WDR89: variants seen among roughly 807,000 people sequenced by gnomAD.
WDR89 encodes the protein WD repeat domain 89.
WDR89 carries 17 observed loss-of-function variants against 29.1 expected under a neutral mutation model. That is an observed-to-expected ratio of 0.58 (90% confidence interval 0.40 to 0.88). The LOEUF (loss-of-function observed/expected upper bound fraction) is 0.88. WDR89 is among the 40% of genes least tolerant of loss of function. The probability of loss-of-function intolerance (pLI) is 0.00; values close to 1 mark genes in which losing one functional copy is unlikely to be tolerated. For missense variants in WDR89, 396 were observed against 456.3 expected, an observed-to-expected ratio of 0.87 and a Z score of 1.20; for synonymous variants, 138 against 157.8, an observed-to-expected ratio of 0.87 and a Z score of 0.94.
At chr14:63,626,141 C>T (rs1387561548) in intron 1 of WDR89, among the ~76,000 whole-genome samples, 3 of 152,164 alleles carry the variant, frequency 2.0e-5, no homozygotes, top group African/African-American at 2.4e-5. Context: ...TGTGAGCCAC[C>T]ACACCCACCC....
At chr14:63,611,484 T>A (rs1240763939) in intron 2 of WDR89, among the ~76,000 whole-genome samples, 1 of 151,860 alleles carries the variant, frequency 6.6e-6, no homozygotes, top group Non-Finnish European at 1.5e-5. Context: ...TAAAAGGACA[T>A]TCATGGAAGA....
At position 63,599,348 on chromosome 14, in the gene WDR89, C is replaced by A; in HGVS notation, c.595G>T (p.Asp199Tyr). Residue 199 changes from aspartate to tyrosine, a missense_variant, in exon 3 of 3, where the codon GAT becomes TAT. By Grantham distance (160) the Asp-to-Tyr change is radical (BLOSUM62 -3). Coordinates refer to ENST00000620954, the MANE Select transcript of WDR89 (RefSeq NM_080666.4). ...GSSDGLVNVFDINIDNEEDAL... is the reference protein window; with the variant it reads ...GSSDGLVNVFYINIDNEEDAL... ...TCCTCCTCATTATCAATATTAATAT[C>A]AAATACATTTACCAGGCCATCAGAT... 1 of 1,614,122 alleles carries A rather than the reference C, an allele frequency of 6.2e-7. No homozygotes were observed. Among genetic ancestry groups the A allele is most frequent in the South Asian group, 1.1e-5 (1 of 91,076 alleles).
At chr14:63,632,283 G>A (rs78618834) in intron 1 of WDR89, among the ~76,000 whole-genome samples, 1 of 152,022 alleles carries the variant, frequency 6.6e-6, no homozygotes, top group East Asian at 1.9e-4. Context: ...CTACAACTCA[G>A]AGGGAAAGTA....
chr14:63,616,438 T>C (rs568985595), intron 2 of WDR89, among the ~76,000 whole-genome samples: 3 of 151,264 alleles, frequency 2.0e-5, no homozygotes, highest in Non-Finnish European at 4.4e-5. Context: ...ATAAAAATAG[T>C]GAGGAGTGTT....
chr14:63,625,902 C>T (rs191838182), intron 1 of WDR89, among the ~76,000 whole-genome samples: 247 of 150,466 alleles, frequency 1.6e-3, no homozygotes, highest in Non-Finnish European at 3.2e-3. Context: ...TCACCAGGCT[C>T]GAGAGCAGCA....
chr14:63,603,564 T>G (rs1222545399), intron 2 of WDR89, among the ~76,000 whole-genome samples: 1 of 152,200 alleles, frequency 6.6e-6, no homozygotes, highest in Non-Finnish European at 1.5e-5. Flanking sequence ...ACAAGAGCTT[T>G]TTTCCTTTCT....
At position 63,599,051 on chromosome 14, in the gene WDR89, C is replaced by G. The variant is rs148379805; in HGVS notation, c.892G>C (p.Gly298Arg). The change falls in exon 3 of 3, where the codon GGA becomes CGA. Residue 298 changes from glycine (G) to arginine (R), a missense_variant. Physicochemically the swap from Gly to Arg is moderately radical, Grantham distance 125 (BLOSUM62 -2). Coordinates refer to ENST00000620954, the MANE Select transcript of WDR89 (RefSeq NM_080666.4). The stretch of plus-strand genomic sequence containing the variant: ...CTGCAGTTCATCAAATGAATCCTTC[C>G]TTTGTTTGTTCCTCCAATAACATGC... The part of the protein sequence containing the change: ...TLHVIGGTNK[G>R]RIHLMNCSMS... 2.5e-5 allele frequency: 41 copies of G among 1,613,744 alleles called. No individual in the cohort carries two copies. The East Asian group carries it at 2.7e-4, about 11-fold the overall frequency.
At chr14:63,637,058 CAGT>C (rs1883778524) in intron 1 of WDR89, among the ~76,000 whole-genome samples, 1 of 149,160 alleles carries the variant, frequency 6.7e-6, no homozygotes, top group South Asian at 2.1e-4. Flanking sequence ...GAACTCAAAT[CAGT>C]AAGAAAAAAA....
chr14:63,605,405 A>G (rs1449437751), intron 2 of WDR89, among the ~76,000 whole-genome samples: 1 of 152,118 alleles, frequency 6.6e-6, no homozygotes, highest in East Asian at 1.9e-4. Context: ...ATACTTCATA[A>G]AGACAATAAA....
chr14:63,636,313 T>A (rs1883735970), intron 1 of WDR89, among the ~76,000 whole-genome samples: 1 of 152,214 alleles, frequency 6.6e-6, no homozygotes, highest in Non-Finnish European at 1.5e-5. Context: ...ACGGGTAGAA[T>A]CAGTATTGTG....
At chr14:63,600,183 A>G (rs1894995859) in intron 2 of WDR89, among the ~76,000 whole-genome samples, 1 of 152,204 alleles carries the variant, frequency 6.6e-6, no homozygotes, top group Non-Finnish European at 1.5e-5. Context: ...TTGCCTTCTA[A>G]TTCAATCACT....
intron 1 of WDR89, among the ~76,000 whole-genome samples, chr14:63,639,257 T>A (rs1176997362): frequency 6.6e-6 from 1 of 151,410 alleles, no homozygotes; most frequent in Non-Finnish European, 1.5e-5. Flanking sequence ...TGGTGGCTCA[T>A]GCCAGTAATG....
chr14:63,610,586 G>A lies in WDR89; in HGVS notation c.-31-10613C>T, dbSNP rs144682299. Among the ~76,000 whole-genome samples, 334 of 151,974 alleles carry A rather than the reference G, an allele frequency of 2.2e-3. 2 individuals are homozygous for A. Among genetic ancestry groups the A allele is most frequent in the East Asian group, 0.012 (63 of 5,186 alleles). On this transcript the variant is annotated intron_variant, in intron 2 of 2. Transcript: ENST00000620954. ...TGTCATGTTCCTATCATGAACCCCCGGTATGATGTGATAAGAAAGGCATTT... is the reference window on the plus strand; with the variant it reads ...TGTCATGTTCCTATCATGAACCCCCAGTATGATGTGATAAGAAAGGCATTT...
At chr14:63,605,205 TACACATACAC>T (rs1364227605) in intron 2 of WDR89, among the ~76,000 whole-genome samples, 117 of 128,100 alleles carry the variant, frequency 9.1e-4, no homozygotes, top group East Asian at 3.3e-3. Flanking sequence ...CATATATACA[TACACATACAC>T]ACACACACAC....
intron 2 of WDR89, chr14:63,622,002 A>G (rs1882725352): frequency 6.6e-6 from 1 of 152,250 alleles, no homozygotes; most frequent in Non-Finnish European, 1.5e-5. Context: ...ATTGACATAA[A>G]GAAATAAAGA....
At chr14:63,634,023 AG>A (rs1475568029) in intron 1 of WDR89, among the ~76,000 whole-genome samples, 20 of 152,234 alleles carry the variant, frequency 1.3e-4, no homozygotes, top group African/African-American at 4.6e-4. Context: ...TAAAATTACG[AG>A]AACTGTAAAA....
At chr14:63,605,448 A>G (rs975910496) in intron 2 of WDR89, among the ~76,000 whole-genome samples, 30 of 152,058 alleles carry the variant, frequency 2.0e-4, no homozygotes, top group African/African-American at 5.8e-4. Flanking sequence ...TACTCGTTTA[A>G]AAGTCCAATA....
chr14:63,630,460 T>C (rs1002024141), intron 1 of WDR89, among the ~76,000 whole-genome samples: 30 of 151,342 alleles, frequency 2.0e-4, no homozygotes, highest in Admixed American at 7.9e-4. Flanking sequence ...CTGGCCAACA[T>C]GGTGAAACCC....
intron 2 of WDR89, among the ~76,000 whole-genome samples, chr14:63,609,658 C>T (rs1439305714): frequency 4.6e-5 from 7 of 152,006 alleles, no homozygotes; most frequent in Admixed American, 2.6e-4. Flanking sequence ...AGGGTGGTGG[C>T]GCCCACCTAT....
Sources: gnomAD v4.1 joint callset for allele counts (sites outside exome capture counted in the v4.1 genomes callset) on GRCh38, gnomAD v4.1.1 for gene constraint, MANE v1.5 for transcripts, NCBI Gene and HGNC (gene_info 2026-07-23, HGNC 2026-07-21) for gene names.